The following WWOX variants were observed in gnomAD, a reference collection of about 807,000 sequenced individuals.
The protein encoded by WWOX is WW domain-containing oxidoreductase.
Under a neutral mutation model 46.2 loss-of-function variants are expected in WWOX, and 69 were observed. The observed-to-expected ratio is 1.49, with a 90% CI of 1.23 to 1.82. WWOX has a LOEUF of 1.82. WWOX is among the 40% of genes most tolerant of loss of function. The pLI, the probability that WWOX is intolerant of heterozygous loss-of-function variation, is 0.00. For missense variants in WWOX, 919 were observed against 542.6 expected (o/e 1.69, Z -6.89); for synonymous variants, 359 against 202.6 (o/e 1.77, Z -6.56).
chr16:78,419,433 A>G (rs760190998), intron 6 of WWOX, among the ~76,000 whole-genome samples: 21 of 152,080 alleles, frequency 1.4e-4, no homozygotes, highest in Non-Finnish European at 2.5e-4. Context: ...TGGCATAAGA[A>G]TAGATCTATA....
At chr16:78,819,395 A>T (rs1685827009) in intron 8 of WWOX, among the ~76,000 whole-genome samples, 1 of 152,234 alleles carries the variant, frequency 6.6e-6, no homozygotes, top group Non-Finnish European at 1.5e-5. Context: ...ATGTCAGTTT[A>T]CAATTTCCAT....
intron 8 of WWOX, among the ~76,000 whole-genome samples, chr16:78,973,478 T>A (rs75594664): frequency 8.7e-4 from 133 of 152,354 alleles, no homozygotes; most frequent in Middle Eastern, 6.8e-3. Context: ...TATCTGCTGA[T>A]TTCTTCAAAC....
intron 5 of WWOX, among the ~76,000 whole-genome samples, chr16:78,228,463 T>G (rs2037142680): frequency 6.7e-6 from 1 of 150,358 alleles, no homozygotes; most frequent in Non-Finnish European, 1.5e-5. Flanking sequence ...CACCTCAGCC[T>G]CCTGAGCAGC....
chr16:79,112,160 C>G (rs140469943), intron 8 of WWOX, among the ~76,000 whole-genome samples: 22 of 152,196 alleles, frequency 1.4e-4, no homozygotes, highest in African/African-American at 4.8e-4. Flanking sequence ...GCTAGGGGGT[C>G]TCATCTTTAA....
At chr16:78,388,930 G>A (rs1421854409) in intron 6 of WWOX, among the ~76,000 whole-genome samples, 1 of 150,052 alleles carries the variant, frequency 6.7e-6, no homozygotes, top group African/African-American at 2.5e-5. Flanking sequence ...GACTGAACCA[G>A]TGCACTCCAG....
At chr16:78,726,087 T>TCCTCCCTCCCTCCCTCCCTCCCTCTCTC (rs879478386) in intron 8 of WWOX, among the ~76,000 whole-genome samples, 1 of 113,122 alleles carries the variant, frequency 8.8e-6, no homozygotes, top group Non-Finnish European at 1.9e-5. Flanking sequence ...CCCTCCCTCT[T>TCCTCCCTCCCTCCCTCCCTCCCTCTCTC]CCTCCCTCCC....
At chr16:79,198,939 A>G (rs2051293309) in intron 8 of WWOX, among the ~76,000 whole-genome samples, 1 of 152,168 alleles carries the variant, frequency 6.6e-6, no homozygotes, top group Non-Finnish European at 1.5e-5. Flanking sequence ...CCTATTTATC[A>G]TAGTGCAGTT....
At chr16:78,156,601 C>G (rs2034609080) in intron 4 of WWOX, among the ~76,000 whole-genome samples, 1 of 152,088 alleles carries the variant, frequency 6.6e-6, no homozygotes. Flanking sequence ...GGGTGTAAGG[C>G]TCAAGGAGCT....
intron 8 of WWOX, among the ~76,000 whole-genome samples, chr16:78,557,579 AG>A (rs1225143459): frequency 6.6e-6 from 1 of 151,986 alleles, no homozygotes; most frequent in Non-Finnish European, 1.5e-5. Context: ...GTGGCACTAT[AG>A]CTGAAGAGGA....
At chr16:79,118,108 C>A (rs2049554424) in intron 8 of WWOX, among the ~76,000 whole-genome samples, 1 of 152,240 alleles carries the variant, frequency 6.6e-6, no homozygotes, top group African/African-American at 2.4e-5. Flanking sequence ...TCTCGTTAAG[C>A]TTAATCACTT....
intron 8 of WWOX, among the ~76,000 whole-genome samples, chr16:78,763,335 G>A (rs142771322): frequency 4.6e-5 from 7 of 151,878 alleles, no homozygotes; most frequent in Non-Finnish European, 8.8e-5. Flanking sequence ...TTTCTTCTTC[G>A]ACCCTCACAT....
intron 5 of WWOX, among the ~76,000 whole-genome samples, chr16:78,250,235 A>C (rs2037947835): frequency 6.6e-6 from 1 of 152,210 alleles, no homozygotes; most frequent in Non-Finnish European, 1.5e-5. Context: ...TCTATCTGGC[A>C]CATTAGCGAG....
chr16:78,318,884 A>G (rs945466058), intron 5 of WWOX, among the ~76,000 whole-genome samples: 3 of 152,334 alleles, frequency 2.0e-5, no homozygotes, highest in South Asian at 4.1e-4. Context: ...ATGTGAGTGT[A>G]TAATTCCAGG....
intron 5 of WWOX, among the ~76,000 whole-genome samples, chr16:78,186,428 T>C (rs769158783): frequency 2.1e-4 from 32 of 152,220 alleles, no homozygotes; most frequent in Admixed American, 5.2e-4. Context: ...TTGATATCCT[T>C]TGACTTGTTG....
At position 78,623,049 on chromosome 16, in the gene WWOX, C is replaced by G. The variant is rs552233750; in HGVS notation, c.1056+190297C>G. Among the ~76,000 whole-genome samples, 61 of 151,976 alleles carry G rather than the reference C, an allele frequency of 4.0e-4. 1 individual carries two copies. The highest frequency in any genetic ancestry group is 1.0e-3 in the South Asian group (5 of 4,806). Reference sequence around the variant, plus strand: ...ACAAGGAAATGAGTTCTGCTAGCAACCTAAGGGAGCTTGAAGGTGATTGAC... The same window carrying G: ...ACAAGGAAATGAGTTCTGCTAGCAAGCTAAGGGAGCTTGAAGGTGATTGAC... On this transcript the variant is annotated intron_variant, in intron 8 of 8. Coordinates refer to ENST00000566780, the MANE Select transcript of WWOX (RefSeq NM_016373.4).
At chr16:78,575,920 C>G (rs1055187574) in intron 8 of WWOX, among the ~76,000 whole-genome samples, 1 of 151,960 alleles carries the variant, frequency 6.6e-6, no homozygotes, top group Admixed American at 6.6e-5. Context: ...ATAAAACATG[C>G]TATATTAAAA....
intron 8 of WWOX, among the ~76,000 whole-genome samples, chr16:78,555,126 C>T (rs574066730): frequency 7.1e-6 from 1 of 141,082 alleles, no homozygotes; most frequent in Non-Finnish European, 1.5e-5. Flanking sequence ...CTCTTTCTCT[C>T]TGTCTTTTTC....
Position 78,367,839 on chromosome 16 carries a change from C to A in WWOX, c.517-19021C>A, listed in dbSNP as rs143932765. Among the ~76,000 whole-genome samples, 730 of 152,128 alleles carry A rather than the reference C, an allele frequency of 4.8e-3. 8 individuals carry two copies. The highest frequency in any genetic ancestry group is 0.017 in the African/African-American group (696 of 41,482). ...TGGTGCAATCTCAGCTCACTGCAAC[C>A]TCTGCCTCCCGAGTTCAAGCTATTC... On this transcript the variant is annotated intron_variant, in intron 5 of 8. Transcript: ENST00000566780.
At chr16:78,969,514 A>G (rs190890941) in intron 8 of WWOX, among the ~76,000 whole-genome samples, 1 of 151,854 alleles carries the variant, frequency 6.6e-6, no homozygotes, top group African/African-American at 2.4e-5. Context: ...CAAGTGATCC[A>G]ACCGCCTCAG....
Sources: allele counts gnomAD v4.1 joint callset (sites outside exome capture counted in the v4.1 genomes callset), GRCh38; gene constraint gnomAD v4.1.1; transcripts MANE v1.5; gene names NCBI Gene and HGNC (gene_info 2026-07-23, HGNC 2026-07-21).